The following SLAIN2 variants were observed in gnomAD, a reference collection of about 807,000 sequenced individuals.
SLAIN2 encodes the protein SLAIN motif-containing protein 2.
Under a neutral mutation model 56.6 loss-of-function variants are expected in SLAIN2, and 31 were observed. That is an observed-to-expected ratio of 0.55 (90% CI 0.41 to 0.74). The LOEUF (loss-of-function observed/expected upper bound fraction) is 0.74, where lower values mean the gene tolerates loss of function less well. Among genes scored for constraint, SLAIN2 ranks in the 30% least tolerant of loss-of-function variants. SLAIN2 has a pLI of 0.00. For missense variants in SLAIN2, 777 were observed against 754.2 expected, an observed-to-expected ratio of 1.03 and a Z score of -0.35; for synonymous variants, 317 against 284.9, an observed-to-expected ratio of 1.11 and a Z score of -1.13.
At position 48,382,699 on chromosome 4, in the gene SLAIN2, C is replaced by T. The variant is rs776713933; in HGVS notation, c.994C>T (p.His332Tyr). 3.1e-6 allele frequency: 5 copies of T among 1,613,792 alleles called. No individual in the cohort carries two copies. Among genetic ancestry groups the T allele is most frequent in the South Asian group, 2.2e-5 (2 of 91,074 alleles). The change falls in exon 5 of 8, where the codon CAT (histidine) becomes TAT (tyrosine). Residue 332 changes from histidine (H) to tyrosine (Y), a missense_variant. Transcript: ENST00000264313. ...QSLDDEDDNM[H>Y]HAVYPAVNRF... ...TTTAGATGATGAAGATGACAATATGCATCATGCAGTATACCCTGCTGTTAA... is the reference window on the plus strand; with the variant it reads ...TTTAGATGATGAAGATGACAATATGTATCATGCAGTATACCCTGCTGTTAA...
chr4:48,382,655 A>C lies in SLAIN2; in HGVS notation c.950A>C (p.Gln317Pro), dbSNP rs1217318487. 2 of 1,613,894 alleles carry C rather than the reference A, an allele frequency of 1.2e-6. No individual in the cohort carries two copies. ...NSTRRGTFSD[Q>P]ELDAQSLDDE... Reference sequence around the variant, plus strand: ...ACAAGACGGGGTACTTTTAGTGATCAGGAACTTGATGCACAAAGTTTAGAT... The same window carrying C: ...ACAAGACGGGGTACTTTTAGTGATCCGGAACTTGATGCACAAAGTTTAGAT... The change falls in exon 5 of 8, where the codon CAG becomes CCG. Residue 317 changes from glutamine to proline, a missense_variant. By Grantham distance (76) the Gln-to-Pro change is moderately conservative. Transcript: ENST00000264313.
chr4:48,386,115 G>C (rs1323951636), intron 6 of SLAIN2, among the ~76,000 whole-genome samples: 2 of 147,318 alleles, frequency 1.4e-5, no homozygotes, highest in African/African-American at 5.0e-5. Flanking sequence ...AAAAAGCTAC[G>C]AAAAAACTAT....
At chr4:48,373,867 C>T (rs1183145359) in intron 2 of SLAIN2, among the ~76,000 whole-genome samples, 1 of 152,048 alleles carries the variant, frequency 6.6e-6, no homozygotes, top group Non-Finnish European at 1.5e-5. Flanking sequence ...ATGGAGAAAC[C>T]CTGTCTCTAC....
In SLAIN2 at chr4:48,342,137, G is replaced by A. The variant is rs28464394; in HGVS notation, c.389+9G>A. The A allele has an allele frequency of 3.7e-6, 5 of 1,340,876 alleles. No homozygotes were observed. Among genetic ancestry groups the A allele is most frequent in the Non-Finnish European group, 4.8e-6 (5 of 1,051,608 alleles). 83.1% of individuals were successfully genotyped at this position (1,340,876 alleles called of 1,614,324 possible). A position where few individuals can be genotyped will look rare whatever the true frequency, so the allele number is the denominator to read the frequency against. On this transcript the variant is annotated intron_variant, in intron 1 of 7. Transcript: ENST00000264313. The stretch of plus-strand genomic sequence containing the variant: ...GAGGAGGAGGAGAGCTGGTGAGCGC[G>A]AGGCGCCGGGCAGGAGCTGGGCGGG...
At chr4:48,409,323 C>G (rs1323152490) in intron 6 of SLAIN2, among the ~76,000 whole-genome samples, 1 of 152,132 alleles carries the variant, frequency 6.6e-6, no homozygotes, top group Non-Finnish European at 1.5e-5. Context: ...CTCCACCTCC[C>G]CCGACCCTGC....
intron 1 of SLAIN2, among the ~76,000 whole-genome samples, chr4:48,367,112 T>C (rs1385191619): frequency 6.6e-6 from 1 of 152,238 alleles, no homozygotes; most frequent in Non-Finnish European, 1.5e-5. Context: ...ATTGAGAGAC[T>C]TAAACAACTC....
chr4:48,384,927 A>G (rs1484171712), intron 6 of SLAIN2, among the ~76,000 whole-genome samples: 1 of 152,232 alleles, frequency 6.6e-6, no homozygotes, highest in African/African-American at 2.4e-5. Context: ...ATTAATAAAA[A>G]CAATAATGAT....
At chr4:48,377,643 A>G (rs1435416435) in intron 2 of SLAIN2, among the ~76,000 whole-genome samples, 12 of 152,190 alleles carry the variant, frequency 7.9e-5, no homozygotes, top group Admixed American at 7.9e-4. Context: ...TAAGTGGCCA[A>G]TAATCTGTTT....
rs770244615 is a variant in SLAIN2, at chr4:48,420,349, A to T, written c.1585A>T (p.Thr529Ser). Reference protein sequence around the residue: ...NSATLTRPAGTTAMRSGLPRP... With the variant: ...NSATLTRPAGSTAMRSGLPRP... ...CGCTACTCTAACCAGACCTGCAGGG[A>T]CAACTGCAATGAGAAGTGGCTTGCC... The change falls in exon 7 of 8, where the codon ACA (threonine) becomes TCA (serine). Residue 529 changes from threonine (T) to serine (S), a missense_variant. By Grantham distance (58) the Thr-to-Ser change is moderately conservative (BLOSUM62 1). Transcript: ENST00000264313. The T allele has an allele frequency of 6.2e-7, 1 of 1,614,034 alleles. No homozygotes were observed. The highest frequency in any genetic ancestry group is 8.5e-7 in the Non-Finnish European group (1 of 1,179,886).
At chr4:48,343,909 A>G (rs1008223556) in intron 1 of SLAIN2, among the ~76,000 whole-genome samples, 1 of 152,240 alleles carries the variant, frequency 6.6e-6, no homozygotes, top group African/African-American at 2.4e-5. Context: ...AAAAGAACCC[A>G]GAATCTTGTA....
At chr4:48,373,833 G>T (rs141762005) in intron 2 of SLAIN2, among the ~76,000 whole-genome samples, 1 of 152,122 alleles carries the variant, frequency 6.6e-6, no homozygotes, top group Non-Finnish European at 1.5e-5. Context: ...CTGAGGTTGG[G>T]AGTTCGAGAC....
chr4:48,371,991 C>CGT (rs1296820410), intron 2 of SLAIN2, among the ~76,000 whole-genome samples: 23 of 142,940 alleles, frequency 1.6e-4, no homozygotes, highest in African/African-American at 5.9e-4. Context: ...CACACACACG[C>CGT]GCGCACACAC....
intron 1 of SLAIN2, among the ~76,000 whole-genome samples, chr4:48,362,061 T>A (rs1199831208): frequency 1.3e-5 from 2 of 152,206 alleles, no homozygotes; most frequent in African/African-American, 4.8e-5. Context: ...TTAAGAGTTT[T>A]ATAATGGATT....
chr4:48,422,272 T>C lies in SLAIN2; in HGVS notation c.*195T>C. Reference sequence around the variant, plus strand: ...AATGACATTTAACATCAGATGTGTTTGGTAATCATACAATCACTCTCCATA... The same window carrying C: ...AATGACATTTAACATCAGATGTGTTCGGTAATCATACAATCACTCTCCATA... On this transcript the variant is annotated 3_prime_UTR_variant, in exon 8 of 8. Coordinates refer to ENST00000264313, the MANE Select transcript of SLAIN2 (RefSeq NM_020846.2). 1.9e-6 allele frequency: 1 copy of C among 528,806 alleles called. No homozygotes were observed. The highest frequency in any genetic ancestry group is 3.3e-5 in the Admixed American group (1 of 29,978). 32.8% of individuals were successfully genotyped at this position (528,806 alleles called of 1,614,324 possible).
intron 6 of SLAIN2, among the ~76,000 whole-genome samples, chr4:48,418,111 C>T (rs1185166291): frequency 2.0e-5 from 3 of 150,854 alleles, no homozygotes; most frequent in Non-Finnish European, 3.0e-5. Flanking sequence ...CCTCTTCCTC[C>T]CTCCTTCCTC....
At chr4:48,356,229 T>C (rs1715149876) in intron 1 of SLAIN2, among the ~76,000 whole-genome samples, 1 of 152,208 alleles carries the variant, frequency 6.6e-6, no homozygotes, top group Non-Finnish European at 1.5e-5. Flanking sequence ...AAAAGCAAAG[T>C]ACTCTAAAAT....
At chr4:48,418,290 G>A (rs1717053101) in intron 6 of SLAIN2, among the ~76,000 whole-genome samples, 1 of 151,892 alleles carries the variant, frequency 6.6e-6, no homozygotes, top group South Asian at 2.1e-4. Context: ...AATGTTAACT[G>A]TAGGGTTTTT....
rs76908159 is a variant in SLAIN2 at position 48,408,200 on chromosome 4, C to T, written c.1361-11925C>T. 9.6e-3 allele frequency among the ~76,000 whole-genome samples: 1,465 copies of T among 152,014 alleles called. 21 individuals are homozygous for T. The highest frequency in any genetic ancestry group is 0.034 in the African/African-American group (1,392 of 41,442). On this transcript the variant is annotated intron_variant, in intron 6 of 7. Coordinates refer to ENST00000264313, the MANE Select transcript of SLAIN2 (RefSeq NM_020846.2). Reference sequence around the variant, plus strand: ...AATAAAATAGACAGGCATGGTGGCACGCACCTGTGGTCCCAGCCACTCAGG... The same window carrying T: ...AATAAAATAGACAGGCATGGTGGCATGCACCTGTGGTCCCAGCCACTCAGG...
chr4:48,399,690 A>G (rs1716495975), intron 6 of SLAIN2, among the ~76,000 whole-genome samples: 1 of 152,088 alleles, frequency 6.6e-6, no homozygotes, highest in African/African-American at 2.4e-5. Flanking sequence ...AATACATAGT[A>G]TATTGAGAGT....
Sources: gnomAD v4.1 joint callset for allele counts (sites outside exome capture counted in the v4.1 genomes callset) on GRCh38, gnomAD v4.1.1 for gene constraint, MANE v1.5 for transcripts, NCBI Gene and HGNC (gene_info 2026-07-23, HGNC 2026-07-21) for gene names.